Variants in ANKS1B observed in about 807,000 individuals in gnomAD.
The protein encoded by ANKS1B is ankyrin repeat and sterile alpha motif domain-containing protein 1B.
ANKS1B carries 36 observed loss-of-function variants against 148.3 expected under a neutral mutation model. The ratio of observed to expected loss-of-function variants is 0.24; its 90% CI spans 0.19 to 0.32. The LOEUF is 0.32. Ranked by LOEUF, ANKS1B falls within the 10% of genes least tolerant of loss-of-function variation. ANKS1B has a pLI of 1.00. For synonymous variants in ANKS1B, 542 were observed against 560.8 expected, an observed-to-expected ratio of 0.97 and a Z score of 0.47; for missense variants, 1,157 against 1,542.6, an observed-to-expected ratio of 0.75 and a Z score of 4.19.
chr12:99,200,926 G>A (rs181974350), intron 14 of ANKS1B, among the ~76,000 whole-genome samples: 1 of 152,312 alleles, frequency 6.6e-6, no homozygotes, highest in Non-Finnish European at 1.5e-5. Flanking sequence ...TGCTGAATAA[G>A]GAAATAGAGT....
At chr12:99,214,415 T>C (rs978539410) in intron 14 of ANKS1B, among the ~76,000 whole-genome samples, 16 of 152,126 alleles carry the variant, frequency 1.1e-4, no homozygotes, top group East Asian at 3.9e-4. Flanking sequence ...TAGGAGGTAA[T>C]TGAATCATGG....
chr12:99,058,980 G>C (rs1169963351), intron 16 of ANKS1B, among the ~76,000 whole-genome samples: 2 of 150,956 alleles, frequency 1.3e-5, no homozygotes, highest in African/African-American at 4.9e-5. Flanking sequence ...CTCGTGATCC[G>C]CCCGCCTCGG....
At chr12:99,739,996 A>T (rs1002816883) in intron 8 of ANKS1B, among the ~76,000 whole-genome samples, 5 of 152,178 alleles carry the variant, frequency 3.3e-5, no homozygotes, top group Admixed American at 1.3e-4. Flanking sequence ...GGATCCACTA[A>T]GAACATTACC....
chr12:99,573,658 C>T (rs1237027218), intron 9 of ANKS1B, among the ~76,000 whole-genome samples: 1 of 151,930 alleles, frequency 6.6e-6, no homozygotes, highest in Non-Finnish European at 1.5e-5. Flanking sequence ...CTTTCTTCTC[C>T]AGCACACAAT....
chr12:99,783,354 T>C (rs149301755), intron 4 of ANKS1B, among the ~76,000 whole-genome samples: 4 of 152,312 alleles, frequency 2.6e-5, no homozygotes, highest in African/African-American at 7.2e-5. Flanking sequence ...TATTTTATGA[T>C]AAAGCATTGA....
At chr12:99,972,153 G>A (rs1457359235) in intron 1 of ANKS1B, among the ~76,000 whole-genome samples, 1 of 151,994 alleles carries the variant, frequency 6.6e-6, no homozygotes, top group Non-Finnish European at 1.5e-5. Context: ...TATTCCCTCG[G>A]ATACAACAAT....
chr12:99,926,661 TC>T (rs1233369128), intron 1 of ANKS1B, among the ~76,000 whole-genome samples: 1 of 152,140 alleles, frequency 6.6e-6, no homozygotes, highest in African/African-American at 2.4e-5. Context: ...ACAAGCCAAT[TC>T]CTTATAATAA....
intron 12 of ANKS1B, among the ~76,000 whole-genome samples, chr12:99,363,517 G>A (rs908566794): frequency 1.3e-5 from 2 of 152,066 alleles, no homozygotes; most frequent in Non-Finnish European, 2.9e-5. Flanking sequence ...TTTGCATTGA[G>A]ATGAAAAATA....
intron 1 of ANKS1B, among the ~76,000 whole-genome samples, chr12:99,831,694 T>C (rs191421454): frequency 4.9e-4 from 74 of 152,058 alleles, no homozygotes; most frequent in Non-Finnish European, 7.8e-4. Context: ...CAGTAGCATA[T>C]GGCTTGAGCT....
At chr12:99,882,257 G>T (rs1346855356) in intron 1 of ANKS1B, among the ~76,000 whole-genome samples, 1 of 150,004 alleles carries the variant, frequency 6.7e-6, no homozygotes, top group Non-Finnish European at 1.5e-5. Flanking sequence ...ATAAATAAGA[G>T]CCTCAGGACC....
intron 17 of ANKS1B, among the ~76,000 whole-genome samples, chr12:98,885,492 G>A (rs561822417): frequency 6.6e-6 from 1 of 152,324 alleles, no homozygotes; most frequent in African/African-American, 2.4e-5. Context: ...AGGAACATGT[G>A]CAATGAAAGA....
intron 25 of ANKS1B, among the ~76,000 whole-genome samples, chr12:98,758,371 T>G (rs1555260403): frequency 6.7e-6 from 1 of 150,088 alleles, no homozygotes; most frequent in Non-Finnish European, 1.5e-5. Flanking sequence ...ATACATAAGA[T>G]AAAATAAAAA....
chr12:99,796,530 T>A (rs1310590851), intron 4 of ANKS1B, among the ~76,000 whole-genome samples: 1 of 151,950 alleles, frequency 6.6e-6, no homozygotes, highest in Non-Finnish European at 1.5e-5. Context: ...CAGCTTGGCT[T>A]TTAGTATCTC....
At chr12:99,338,574 T>C (rs1376778594) in intron 12 of ANKS1B, among the ~76,000 whole-genome samples, 1 of 152,094 alleles carries the variant, frequency 6.6e-6, no homozygotes, top group African/African-American at 2.4e-5. Context: ...TATTCTTCCC[T>C]CTCCTTTCTT....
intron 17 of ANKS1B, among the ~76,000 whole-genome samples, chr12:98,913,701 C>T (rs1252237806): frequency 2.6e-5 from 4 of 152,142 alleles, no homozygotes; most frequent in African/African-American, 9.7e-5. Context: ...AATCTCAGCT[C>T]ACTACAACTT....
chr12:98,825,179 C>T (rs949549910), intron 19 of ANKS1B, among the ~76,000 whole-genome samples: 1 of 152,040 alleles, frequency 6.6e-6, no homozygotes. Flanking sequence ...TAAGATACTG[C>T]ATGTGCAATC....
chr12:98,932,428 A>G (rs913845201), intron 17 of ANKS1B, among the ~76,000 whole-genome samples: 6 of 152,190 alleles, frequency 3.9e-5, no homozygotes, highest in Non-Finnish European at 7.3e-5. Context: ...TTGTCTTTGC[A>G]AAACAAGTTT....
intron 17 of ANKS1B, among the ~76,000 whole-genome samples, chr12:99,007,463 T>C (rs138994295): frequency 2.0e-5 from 3 of 152,344 alleles, no homozygotes; most frequent in African/African-American, 7.2e-5. Flanking sequence ...TAGAGACATA[T>C]TTTTATCTCT....
At chr12:98,848,927 T>C (rs2099504174) in intron 17 of ANKS1B, among the ~76,000 whole-genome samples, 1 of 151,688 alleles carries the variant, frequency 6.6e-6, no homozygotes, top group Non-Finnish European at 1.5e-5. Flanking sequence ...TTAGTAGAGA[T>C]GGGGTTTCAC....
Sources: gnomAD v4.1 joint callset for allele counts (sites outside exome capture counted in the v4.1 genomes callset) on GRCh38, gnomAD v4.1.1 for gene constraint, MANE v1.5 for transcripts, NCBI Gene and HGNC (gene_info 2026-07-23, HGNC 2026-07-21) for gene names.